BBX: variants seen among roughly 807,000 people sequenced by gnomAD.
BBX encodes HMG box transcription factor BBX.
BBX carries 30 observed loss-of-function variants against 100.2 expected under a neutral mutation model. The observed-to-expected ratio is 0.30, with a 90% confidence interval of 0.22 to 0.41. BBX has a LOEUF of 0.41. Among genes scored for constraint, BBX ranks in the 10% least tolerant of loss-of-function variants. BBX has a pLI of 1.00. For synonymous variants in BBX, 376 were observed against 388.1 expected (o/e 0.97, Z 0.37); for missense variants, 1,023 against 1,129.8 (o/e 0.91, Z 1.35).
Position 107,714,728 on chromosome 3 carries a change from A to G in BBX, c.163-1879A>G, listed in dbSNP as rs540801445. Reference sequence around the variant, plus strand: ...GCTATGACCTCAAGATTTTTTCTGTACTCTTTGTGTTTGAAGATAATTAAT... The same window carrying G: ...GCTATGACCTCAAGATTTTTTCTGTGCTCTTTGTGTTTGAAGATAATTAAT... On this transcript the variant is annotated intron_variant, in intron 4 of 17. Transcript: ENST00000325805. Among the ~76,000 whole-genome samples, 4 of 151,810 alleles carry G rather than the reference A, an allele frequency of 2.6e-5. No individual in the cohort carries two copies. The East Asian group carries it at 7.7e-4, about 29-fold the overall frequency.
chr3:107,764,885 G>C (rs981015101), intron 10 of BBX, among the ~76,000 whole-genome samples: 1 of 152,154 alleles, frequency 6.6e-6, no homozygotes, highest in Non-Finnish European at 1.5e-5. Context: ...GCACATCCAT[G>C]CATACATTTG....
intron 2 of BBX, among the ~76,000 whole-genome samples, chr3:107,568,380 TCAC>T: frequency 6.6e-6 from 1 of 150,884 alleles, no homozygotes; most frequent in Non-Finnish European, 1.5e-5. Context: ...TTCTCCTGCC[TCAC>T]CCTCCTGAGT....
intron 15 of BBX, among the ~76,000 whole-genome samples, chr3:107,793,510 A>T (rs2069272961): frequency 6.6e-6 from 1 of 152,052 alleles, no homozygotes; most frequent in Non-Finnish European, 1.5e-5. Flanking sequence ...TATCTCCAAC[A>T]TTTACTTGTT....
chr3:107,761,261 GA>G (rs1308508929), intron 10 of BBX, among the ~76,000 whole-genome samples: 1 of 152,242 alleles, frequency 6.6e-6, no homozygotes, highest in Non-Finnish European at 1.5e-5. Context: ...TATGGAAGAT[GA>G]AGGTAAAGTG....
At chr3:107,592,310 G>A (rs2053380649) in intron 2 of BBX, among the ~76,000 whole-genome samples, 2 of 135,054 alleles carry the variant, frequency 1.5e-5, no homozygotes, top group African/African-American at 5.6e-5. Flanking sequence ...GCAGTGAGCC[G>A]AGATTGCACC....
chr3:107,738,654 A>G (rs2063836749), intron 7 of BBX, among the ~76,000 whole-genome samples: 1 of 152,202 alleles, frequency 6.6e-6, no homozygotes, highest in African/African-American at 2.4e-5. Flanking sequence ...TGCAGCACGC[A>G]GGGGCCTTGG....
intron 2 of BBX, among the ~76,000 whole-genome samples, chr3:107,572,838 T>C (rs959527927): frequency 6.6e-6 from 1 of 152,184 alleles, no homozygotes; most frequent in Non-Finnish European, 1.5e-5. Context: ...AGCCACCCTC[T>C]TTGTTAATTT....
chr3:107,716,317 C>T (rs2062099865), intron 4 of BBX: 1 of 288,950 alleles, frequency 3.5e-6, no homozygotes, highest in Admixed American at 4.6e-5. Context: ...CCTCAAAGAG[C>T]TCACTGTTTA....
chr3:107,693,516 C>T (rs574984133), intron 3 of BBX, among the ~76,000 whole-genome samples: 31 of 151,162 alleles, frequency 2.1e-4, no homozygotes, highest in South Asian at 8.4e-4. Flanking sequence ...TGTAGATATG[C>T]GGCGTTATTT....
rs2065412782 is a variant in BBX, at chr3:107,755,594, A to G, written c.826-4A>G. 1.2e-6 allele frequency: 2 copies of G among 1,612,528 alleles called. No individual in the cohort carries two copies. Among genetic ancestry groups the G allele is most frequent in the Non-Finnish European group, 1.7e-6 (2 of 1,178,620 alleles). On this transcript the variant is annotated splice_region_variant and splice_polypyrimidine_tract_variant and intron_variant, in intron 9 of 17. Coordinates refer to ENST00000325805, the MANE Select transcript of BBX (RefSeq NM_001142568.3). ...ATTCCCTATTTGGATTGTCTTTAAT[A>G]TAGATTTCTTCAAACACTTCGCAGT...
intron 13 of BBX, among the ~76,000 whole-genome samples, chr3:107,788,914 G>A (rs1223045482): frequency 6.6e-6 from 1 of 152,206 alleles, no homozygotes; most frequent in Non-Finnish European, 1.5e-5. Context: ...GTTAGGTTAG[G>A]AGCCACCTTT....
intron 2 of BBX, among the ~76,000 whole-genome samples, chr3:107,527,600 A>G (rs1253347681): frequency 6.6e-6 from 1 of 152,228 alleles, no homozygotes; most frequent in East Asian, 1.9e-4. Flanking sequence ...GAACATTTAG[A>G]AAATCTAGAG....
In BBX at chr3:107,728,996, G is replaced by A. The variant is rs557785805; in HGVS notation, c.601+36G>A. ...ACACTATTTCCACCTATTCTTTAAG[G>A]ACAGGGCAATACATTTCGGCAGCAT... On this transcript the variant is annotated intron_variant, in intron 6 of 17. Transcript: ENST00000325805. The A allele has an allele frequency of 1.2e-4, 199 of 1,595,424 alleles. 1 individual carries two copies. In the South Asian group the frequency reaches 2.1e-3, roughly 17 times the overall value.
At chr3:107,583,936 T>A (rs1336527831) in intron 2 of BBX, among the ~76,000 whole-genome samples, 11 of 103,228 alleles carry the variant, frequency 1.1e-4, no homozygotes, top group African/African-American at 4.4e-4. Context: ...ATAATATATA[T>A]ATTATATATA....
At chr3:107,644,210 T>G (rs74847988) in intron 2 of BBX, among the ~76,000 whole-genome samples, 1 of 126,648 alleles carries the variant, frequency 7.9e-6, no homozygotes, top group South Asian at 2.5e-4. Flanking sequence ...AAGAACTTAC[T>G]TACGTATATA....
chr3:107,604,672 C>T (rs2107632923), intron 2 of BBX, among the ~76,000 whole-genome samples: 1 of 152,270 alleles, frequency 6.6e-6, no homozygotes, highest in South Asian at 2.1e-4. Flanking sequence ...AGCTCAAGCC[C>T]TTAGTTCTTT....
At chr3:107,533,112 A>G (rs1350906230) in intron 2 of BBX, among the ~76,000 whole-genome samples, 1 of 152,106 alleles carries the variant, frequency 6.6e-6, no homozygotes, top group East Asian at 1.9e-4. Context: ...AAATAATAAT[A>G]TTGATTAATT....
intron 9 of BBX, among the ~76,000 whole-genome samples, chr3:107,751,644 C>G (rs1045207224): frequency 6.6e-6 from 1 of 151,936 alleles, no homozygotes; most frequent in African/African-American, 2.4e-5. Context: ...CTATGTGGAG[C>G]CATGAAACTG....
chr3:107,747,167 C>G (rs1037604665), intron 8 of BBX, among the ~76,000 whole-genome samples: 2 of 152,044 alleles, frequency 1.3e-5, no homozygotes, highest in Non-Finnish European at 2.9e-5. Context: ...CAAAAGGTCC[C>G]CTAGTTGAAT....
Sources: allele counts gnomAD v4.1 joint callset (sites outside exome capture counted in the v4.1 genomes callset), GRCh38; gene constraint gnomAD v4.1.1; transcripts MANE v1.5; gene names NCBI Gene and HGNC (gene_info 2026-07-23, HGNC 2026-07-21).